KDM2A: variants seen among roughly 807,000 people sequenced by gnomAD.
The protein encoded by KDM2A is lysine-specific demethylase 2A.
In KDM2A, 3 loss-of-function variants were observed where a neutral mutation model predicts 137.3. The ratio of observed to expected loss-of-function variants is 0.02; its 90% confidence interval spans 0.01 to 0.06. The LOEUF is 0.06. KDM2A is among the 10% of genes least tolerant of loss of function. The pLI is 1.00. For missense variants in KDM2A, 738 were observed against 1,510.6 expected (o/e 0.49, Z 8.48); for synonymous variants, 512 against 541.5 (o/e 0.95, Z 0.76).
intron 2 of KDM2A, among the ~76,000 whole-genome samples, chr11:67,164,816 C>T (rs887994933): frequency 6.6e-6 from 1 of 152,090 alleles, no homozygotes; most frequent in Middle Eastern, 3.4e-3. Context: ...CCAGGCTGGT[C>T]TTGAACTCCT....
intron 2 of KDM2A, among the ~76,000 whole-genome samples, chr11:67,136,463 A>T (rs1456111577): frequency 6.6e-6 from 1 of 152,018 alleles, no homozygotes; most frequent in Admixed American, 6.6e-5. Context: ...TCACTTAAAC[A>T]AATGTTTGTT....
intron 2 of KDM2A, among the ~76,000 whole-genome samples, chr11:67,169,027 C>T (rs1166071254): frequency 1.4e-5 from 2 of 139,516 alleles, no homozygotes; most frequent in Non-Finnish European, 3.0e-5. Flanking sequence ...GTGATCTCAG[C>T]TCACTGCAAC....
At chr11:67,135,213 T>C (rs891587382) in intron 2 of KDM2A, among the ~76,000 whole-genome samples, 7 of 151,956 alleles carry the variant, frequency 4.6e-5, no homozygotes, top group African/African-American at 9.7e-5. Context: ...GGATTACAGG[T>C]ATGCACCACC....
chr11:67,257,978 CAAAA>C lies in KDM2A; in HGVS notation c.*2927_*2930del, dbSNP rs975485712. On this transcript the variant is annotated 3_prime_UTR_variant, in exon 21 of 21. Transcript: ENST00000529006. Reference sequence around the variant, plus strand: ...TTTGTGTAATAAAATTTTTAAAAGACAAAAAAAGAAATAGCCTCCAATGGGAAAT... The same window carrying C: ...TTTGTGTAATAAAATTTTTAAAAGACAAAGAAATAGCCTCCAATGGGAAAT... 13 of 151,676 alleles carry C rather than the reference CAAAA, an allele frequency of 8.6e-5. No individual in the cohort carries two copies. The highest frequency in any genetic ancestry group is 2.1e-4 in the South Asian group (1 of 4,820). The allele number at this position is 151,676 out of a possible 1,614,324, so 9.4% of individuals were successfully genotyped here.
rs749797751 is a variant in KDM2A at position 67,219,340 on chromosome 11, T to C, written c.894T>C (p.Asn298=). 1 of 1,611,236 alleles carries C rather than the reference T, an allele frequency of 6.2e-7. No homozygotes were observed. The highest frequency in any genetic ancestry group is 8.5e-7 in the Non-Finnish European group (1 of 1,178,598). ...CAGACACATTAGTGTTTGGGGGCAATTTTTTGCATAGCTTCAACATCCCTA... is the reference window on the plus strand; with the variant it reads ...CAGACACATTAGTGTTTGGGGGCAACTTTTTGCATAGCTTCAACATCCCTA... The part of the protein sequence containing the change: ...TPTDTLVFGG[N]FLHSFNIPMQ... The change falls in exon 10 of 21, where the codon AAT becomes AAC. Residue 298 remains asparagine, a synonymous_variant. Coordinates refer to ENST00000529006, the MANE Select transcript of KDM2A (RefSeq NM_012308.3).
Position 67,183,533 on chromosome 11 carries a change from A to G in KDM2A, c.307+1641A>G, listed in dbSNP as rs368096489. Among the ~76,000 whole-genome samples, 42 of 152,312 alleles carry G rather than the reference A, an allele frequency of 2.8e-4. No homozygotes were observed. The East Asian group carries it at 6.0e-3, about 22-fold the overall frequency. On this transcript the variant is annotated intron_variant, in intron 5 of 20. Transcript: ENST00000529006. The stretch of plus-strand genomic sequence containing the variant: ...CGGGCAGAATCTGTCTGATACAACT[A>G]TTTTGGAGTTCAGGAGTCTATTGAA...
chr11:67,195,920 A>G (rs1395102986), intron 5 of KDM2A: 3 of 402,238 alleles, frequency 7.5e-6, no homozygotes, highest in Non-Finnish European at 5.0e-6. Flanking sequence ...TAATTTTTCT[A>G]CCACTTACAG....
intron 2 of KDM2A, among the ~76,000 whole-genome samples, chr11:67,131,356 A>G (rs1855850058): frequency 1.3e-5 from 2 of 150,294 alleles, no homozygotes; most frequent in African/African-American, 2.4e-5. Context: ...CTCTTACTCC[A>G]CGGTGTGTAG....
At chr11:67,158,135 G>T (rs933058820) in intron 2 of KDM2A, among the ~76,000 whole-genome samples, 1 of 151,236 alleles carries the variant, frequency 6.6e-6, no homozygotes, top group Non-Finnish European at 1.5e-5. Flanking sequence ...CAGCAACTAC[G>T]GATCTTTTTG....
At position 67,250,869 on chromosome 11, in the gene KDM2A, G is replaced by A; in HGVS notation, c.2768+71G>A. On this transcript the variant is annotated intron_variant, in intron 17 of 20. Transcript: ENST00000529006. This position sits in a 1 kb window ranked among gnomAD's most constrained non-coding sequence, Gnocchi z 7.1. ...GTGGCAGGTTTTCCATATGAGAACA[G>A]CATGCACCTTGGCATCTGAAAGCCT... 8.6e-7 allele frequency: 1 copy of A among 1,156,704 alleles called. No individual in the cohort carries two copies. The highest frequency in any genetic ancestry group is 1.2e-6 in the Non-Finnish European group (1 of 809,606). The allele number at this position is 1,156,704 out of a possible 1,614,324, so 71.7% of individuals were successfully genotyped here. A position where few individuals can be genotyped will look rare whatever the true frequency, so the allele number is the denominator to read the frequency against.
chr11:67,245,478 A>G lies in KDM2A; in HGVS notation c.1833+20A>G, dbSNP rs775936151. The G allele has an allele frequency of 1.2e-6, 2 of 1,610,222 alleles. No individual in the cohort carries two copies. The highest frequency in any genetic ancestry group is 1.1e-5 in the South Asian group (1 of 90,988). On this transcript the variant is annotated intron_variant, in intron 14 of 20. Transcript: ENST00000529006. The surrounding 1 kb of genome is among the most constrained non-coding windows in gnomAD (Gnocchi z 4.1). ...TTGGCAGTGAGTGATCTGCTGGGTA[A>G]AGAATTTTGGGGAGGGGTGGCAGTG...
intron 2 of KDM2A, among the ~76,000 whole-genome samples, chr11:67,178,563 C>A (rs1379466081): frequency 6.6e-6 from 1 of 152,096 alleles, no homozygotes; most frequent in Non-Finnish European, 1.5e-5. Flanking sequence ...TTCTCTAGCC[C>A]CTGGCAACTA....
At chr11:67,128,677 C>T (rs955747982) in intron 2 of KDM2A, among the ~76,000 whole-genome samples, 5 of 151,964 alleles carry the variant, frequency 3.3e-5, no homozygotes, top group African/African-American at 1.2e-4. Context: ...AAATTTAAGC[C>T]CTATTATTTT....
intron 13 of KDM2A, among the ~76,000 whole-genome samples, chr11:67,244,753 A>G (rs1010942662): frequency 1.3e-5 from 2 of 152,130 alleles, no homozygotes; most frequent in East Asian, 1.9e-4. Context: ...TGGGATGCCA[A>G]GGCGGGCAGA....
At chr11:67,178,605 T>C (rs1857020218) in intron 2 of KDM2A, among the ~76,000 whole-genome samples, 1 of 152,226 alleles carries the variant, frequency 6.6e-6, no homozygotes, top group Non-Finnish European at 1.5e-5. Flanking sequence ...TGGATTTGCC[T>C]ATTCTAGACA....
chr11:67,128,629 C>T (rs1224566047), intron 2 of KDM2A, among the ~76,000 whole-genome samples: 1 of 152,032 alleles, frequency 6.6e-6, no homozygotes, highest in Non-Finnish European at 1.5e-5. Flanking sequence ...ATCAGTCTTC[C>T]ACAGTAAGCT....
chr11:67,233,422 G>A (rs1298833245), intron 12 of KDM2A, among the ~76,000 whole-genome samples: 1 of 139,938 alleles, frequency 7.1e-6, no homozygotes, highest in African/African-American at 2.7e-5. Context: ...GGGAGGCCGA[G>A]GCAGGTAGAT....
intron 2 of KDM2A, among the ~76,000 whole-genome samples, chr11:67,127,351 C>G (rs923964517): frequency 6.6e-6 from 1 of 151,978 alleles, no homozygotes; most frequent in Non-Finnish European, 1.5e-5. Flanking sequence ...TCTTGAACTC[C>G]CAGACTCAAG....
intron 2 of KDM2A, among the ~76,000 whole-genome samples, chr11:67,176,046 T>G (rs1268375026): frequency 6.6e-6 from 1 of 152,180 alleles, no homozygotes; most frequent in Non-Finnish European, 1.5e-5. Context: ...GCATTATTGG[T>G]GTCAGTGAAG....
Sources: allele counts gnomAD v4.1 joint callset (sites outside exome capture counted in the v4.1 genomes callset), GRCh38; gene constraint gnomAD v4.1.1; non-coding constraint Gnocchi (gnomAD v3.1); transcripts MANE v1.5; gene names NCBI Gene and HGNC (gene_info 2026-07-23, HGNC 2026-07-21).